Variants in ENOX1 observed in about 807,000 individuals in gnomAD.
The protein encoded by ENOX1 is candidate growth-related and time keeping constitutive hydroquinone (NADH) oxidase.
A neutral mutation model predicts 82.5 loss-of-function variants in ENOX1; 42 were observed. The ratio of observed to expected loss-of-function variants is 0.51; its 90% confidence interval spans 0.40 to 0.66. The LOEUF is 0.66. ENOX1 is among the 30% of genes least tolerant of loss of function. The pLI is 0.00. For synonymous variants in ENOX1, 271 were observed against 282.2 expected (o/e 0.96, Z 0.40); for missense variants, 608 against 811.6 (o/e 0.75, Z 3.05).
intron 1 of ENOX1, among the ~76,000 whole-genome samples, chr13:43,754,092 ATATATGTATACG>A (rs1950491540): frequency 1.4e-5 from 2 of 144,338 alleles, no homozygotes; most frequent in Admixed American, 7.1e-5. Context: ...ATATATACGT[ATATATGTATACG>A]TATATGTATA....
At chr13:43,772,822 C>T (rs1951721981) in intron 1 of ENOX1, among the ~76,000 whole-genome samples, 1 of 150,510 alleles carries the variant, frequency 6.6e-6, no homozygotes, top group Non-Finnish European at 1.5e-5. Flanking sequence ...ACTTCAGTTC[C>T]AACAAGAATC....
intron 1 of ENOX1, among the ~76,000 whole-genome samples, chr13:43,750,463 T>C (rs1266264448): frequency 1.3e-5 from 2 of 152,172 alleles, no homozygotes; most frequent in African/African-American, 4.8e-5. Context: ...CTAGGGTAGA[T>C]AGGCCTGGTC....
chr13:43,305,171 G>A (rs1041180934), intron 11 of ENOX1, among the ~76,000 whole-genome samples: 4 of 152,088 alleles, frequency 2.6e-5, no homozygotes, highest in African/African-American at 9.7e-5. Context: ...AGTATCCTAG[G>A]ATGACATCTG....
At chr13:43,362,561 C>T (rs1326479593) in intron 5 of ENOX1, among the ~76,000 whole-genome samples, 3 of 152,162 alleles carry the variant, frequency 2.0e-5, no homozygotes, top group East Asian at 1.9e-4. Flanking sequence ...CCCCTGCCCC[C>T]GACAACCCCT....
intron 3 of ENOX1, among the ~76,000 whole-genome samples, chr13:43,444,414 G>C (rs750907735): frequency 7.9e-5 from 12 of 152,214 alleles, no homozygotes; most frequent in South Asian, 2.1e-4. Flanking sequence ...GACGGCAAAG[G>C]AAGAGTAGAA....
intron 2 of ENOX1, among the ~76,000 whole-genome samples, chr13:43,513,231 C>A (rs1182493043): frequency 6.6e-6 from 1 of 152,038 alleles, no homozygotes; most frequent in Non-Finnish European, 1.5e-5. Context: ...ATGGCTCGAA[C>A]CCATGGGGCA....
chr13:43,429,755 G>A (rs1434374395), intron 3 of ENOX1, among the ~76,000 whole-genome samples: 1 of 152,154 alleles, frequency 6.6e-6, no homozygotes, highest in Non-Finnish European at 1.5e-5. Context: ...AAATAAAATG[G>A]AGGTTATAGT....
intron 5 of ENOX1, among the ~76,000 whole-genome samples, chr13:43,384,626 C>T (rs1476588825): frequency 6.6e-6 from 1 of 152,202 alleles, no homozygotes; most frequent in East Asian, 1.9e-4. Context: ...TCCGCTATGC[C>T]ATGCACCTTT....
At chr13:43,536,702 C>G (rs1328541902) in intron 2 of ENOX1, among the ~76,000 whole-genome samples, 1 of 152,216 alleles carries the variant, frequency 6.6e-6, no homozygotes, top group Non-Finnish European at 1.5e-5. Flanking sequence ...ATAACATCTG[C>G]TCTATCATTT....
intron 9 of ENOX1, among the ~76,000 whole-genome samples, chr13:43,341,688 A>C (rs921838881): frequency 1.3e-5 from 2 of 152,234 alleles, no homozygotes; most frequent in African/African-American, 4.8e-5. Flanking sequence ...AATAAATCAA[A>C]CTAGAGTAGA....
At chr13:43,776,529 G>A (rs1263893067) in intron 1 of ENOX1, among the ~76,000 whole-genome samples, 3 of 152,178 alleles carry the variant, frequency 2.0e-5, no homozygotes, top group African/African-American at 7.2e-5. Flanking sequence ...ACTGGGGAAT[G>A]TCTAATTAGG....
rs569509313 is a variant in ENOX1 at position 43,706,539 on chromosome 13, A to G, written c.-284-38995T>C. On this transcript the variant is annotated intron_variant, in intron 1 of 16. Transcript: ENST00000690772. ...ATCAAGCCCAGTAATACATAAACAGATAATACAGCTTGACCATATGGTATT... is the reference window on the plus strand; with the variant it reads ...ATCAAGCCCAGTAATACATAAACAGGTAATACAGCTTGACCATATGGTATT... 3.9e-5 allele frequency among the ~76,000 whole-genome samples: 6 copies of G among 152,216 alleles called. No homozygotes were observed. The East Asian group carries it at 9.6e-4, about 24-fold the overall frequency.
At chr13:43,363,283 A>G (rs755369421) in intron 5 of ENOX1, among the ~76,000 whole-genome samples, 2 of 152,356 alleles carry the variant, frequency 1.3e-5, no homozygotes, top group South Asian at 4.1e-4. Context: ...AATCAAACAG[A>G]TGGCAGAGTC....
chr13:43,275,144 T>C (rs1017066405), intron 12 of ENOX1, among the ~76,000 whole-genome samples: 5 of 152,232 alleles, frequency 3.3e-5, no homozygotes, highest in African/African-American at 7.2e-5. Context: ...CAACGACTTC[T>C]ATCTAAACAT....
chr13:43,675,484 ATGTG>A (rs772977510), intron 1 of ENOX1, among the ~76,000 whole-genome samples: 45 of 152,280 alleles, frequency 3.0e-4, no homozygotes, highest in African/African-American at 1.1e-3. Context: ...TGAATAGCAA[ATGTG>A]TGTGTGTACA....
At chr13:43,241,626 G>A (rs368970485) in intron 14 of ENOX1, among the ~76,000 whole-genome samples, 68 of 152,240 alleles carry the variant, frequency 4.5e-4, no homozygotes, top group African/African-American at 1.4e-3. Context: ...CATGAGATTG[G>A]AGATTACCTA....
intron 2 of ENOX1, among the ~76,000 whole-genome samples, chr13:43,566,162 C>T (rs972948539): frequency 6.6e-6 from 1 of 152,134 alleles, no homozygotes; most frequent in Non-Finnish European, 1.5e-5. Context: ...AAGTAAGTTG[C>T]TCTGGGGATG....
intron 3 of ENOX1, among the ~76,000 whole-genome samples, chr13:43,420,649 A>G (rs2054918174): frequency 1.3e-5 from 2 of 152,192 alleles, no homozygotes; most frequent in African/African-American, 4.8e-5. Flanking sequence ...TGAAGAAAAG[A>G]TGACTACAGA....
At chr13:43,342,401 G>T (rs1242807945) in intron 9 of ENOX1, among the ~76,000 whole-genome samples, 1 of 152,150 alleles carries the variant, frequency 6.6e-6, no homozygotes, top group Non-Finnish European at 1.5e-5. Context: ...TTTGGCTTGA[G>T]AATTTATGAG....
Sources: allele counts gnomAD v4.1 joint callset (sites outside exome capture counted in the v4.1 genomes callset), GRCh38; gene constraint gnomAD v4.1.1; transcripts MANE v1.5; gene names NCBI Gene and HGNC (gene_info 2026-07-23, HGNC 2026-07-21).